The following MAGI2 variants were observed in gnomAD, a reference collection of about 807,000 sequenced individuals.
MAGI2 encodes the protein membrane associated guanylate kinase, WW and PDZ domain containing 2, also known as membrane-associated guanylate kinase, WW and PDZ domain-containing protein 2.
Under a neutral mutation model 133.3 loss-of-function variants are expected in MAGI2, and 35 were observed. That is an observed-to-expected ratio of 0.26 (90% CI 0.20 to 0.35). MAGI2 has a LOEUF of 0.35. Among genes scored for constraint, MAGI2 ranks in the 10% least tolerant of loss-of-function variants. The pLI, the probability that MAGI2 is intolerant of heterozygous loss-of-function variation, is 1.00. For missense variants in MAGI2, 1,636 were observed against 1,863.4 expected, an observed-to-expected ratio of 0.88 and a Z score of 2.25; for synonymous variants, 729 against 710.6, an observed-to-expected ratio of 1.03 and a Z score of -0.41.
intron 2 of MAGI2, among the ~76,000 whole-genome samples, chr7:78,709,461 T>A (rs73382133): frequency 0.015 from 2,343 of 152,328 alleles, 54 homozygotes; most frequent in African/African-American, 0.055. Flanking sequence ...TAGGAAGCTT[T>A]CTTAGACATC....
intron 1 of MAGI2, among the ~76,000 whole-genome samples, chr7:79,393,870 C>A (rs1301701257): frequency 6.6e-6 from 1 of 152,142 alleles, no homozygotes; most frequent in Admixed American, 6.5e-5. Flanking sequence ...GTCCAAAATA[C>A]AACTTTTAGG....
At chr7:78,288,187 T>C (rs1312216045) in intron 9 of MAGI2, among the ~76,000 whole-genome samples, 2 of 152,204 alleles carry the variant, frequency 1.3e-5, no homozygotes, top group Non-Finnish European at 2.9e-5. Context: ...TTTCATGGGA[T>C]GAATAATTTT....
intron 6 of MAGI2, among the ~76,000 whole-genome samples, chr7:78,398,285 T>A (rs1285105550): frequency 6.6e-6 from 1 of 152,058 alleles, no homozygotes. Flanking sequence ...GGTGAACTCA[T>A]GCGGCTTTTT....
At chr7:78,137,102 T>A (rs1354974988) in intron 16 of MAGI2, among the ~76,000 whole-genome samples, 1 of 152,174 alleles carries the variant, frequency 6.6e-6, no homozygotes, top group Non-Finnish European at 1.5e-5. Context: ...TTACTGACTT[T>A]AAAAAAATGA....
intron 1 of MAGI2, among the ~76,000 whole-genome samples, chr7:79,027,484 T>C (rs1810014178): frequency 6.6e-6 from 1 of 152,068 alleles, no homozygotes; most frequent in Non-Finnish European, 1.5e-5. Flanking sequence ...TTTTCGCTTG[T>C]ATGTGAAATC....
At chr7:79,302,688 CAGTT>C (rs1837480491) in intron 1 of MAGI2, among the ~76,000 whole-genome samples, 2 of 152,126 alleles carry the variant, frequency 1.3e-5, no homozygotes, top group Admixed American at 1.3e-4. Flanking sequence ...TCAACAAAAT[CAGTT>C]AGAGATTTTG....
intron 2 of MAGI2, among the ~76,000 whole-genome samples, chr7:78,863,354 C>T (rs1015881375): frequency 6.6e-6 from 1 of 152,134 alleles, no homozygotes; most frequent in Non-Finnish European, 1.5e-5. Context: ...TGGTGAAAGC[C>T]TCAGGCTGTG....
intron 2 of MAGI2, among the ~76,000 whole-genome samples, chr7:78,969,452 T>A (rs1803602206): frequency 6.6e-6 from 1 of 152,080 alleles, no homozygotes; most frequent in South Asian, 2.1e-4. Flanking sequence ...CAAGTGTGTG[T>A]TCGTGTCATT....
intron 21 of MAGI2, among the ~76,000 whole-genome samples, chr7:78,029,697 T>C (rs188043091): frequency 2.1e-5 from 3 of 144,958 alleles, no homozygotes; most frequent in Non-Finnish European, 1.5e-5. Flanking sequence ...CATTGCGTGT[T>C]GAAAACCACT....
chr7:78,930,817 A>G (rs1800054203), intron 2 of MAGI2, among the ~76,000 whole-genome samples: 1 of 152,108 alleles, frequency 6.6e-6, no homozygotes, highest in African/African-American at 2.4e-5. Context: ...AAGCCATTCC[A>G]ATTTCTGTTT....
intron 1 of MAGI2, among the ~76,000 whole-genome samples, chr7:79,362,125 T>C (rs1842413910): frequency 6.8e-6 from 1 of 147,814 alleles, no homozygotes; most frequent in African/African-American, 2.5e-5. Context: ...ATAAAACACA[T>C]AGCTTTTTTT....
At chr7:78,841,694 C>G (rs10278224) in intron 2 of MAGI2, among the ~76,000 whole-genome samples, 3,102 of 152,064 alleles carry the variant, frequency 0.02, 97 homozygotes, top group African/African-American at 0.071. Flanking sequence ...AGAATATGCT[C>G]TCATATTTTC....
chr7:79,055,509 A>G (rs144923062), intron 1 of MAGI2, among the ~76,000 whole-genome samples: 3 of 152,262 alleles, frequency 2.0e-5, no homozygotes, highest in Non-Finnish European at 4.4e-5. Flanking sequence ...TGTTAACAAT[A>G]TATGCAGGAA....
chr7:78,818,292 TA>T (rs955820576), intron 2 of MAGI2, among the ~76,000 whole-genome samples: 4 of 152,172 alleles, frequency 2.6e-5, no homozygotes, highest in African/African-American at 9.7e-5. Context: ...TGAATTCCAT[TA>T]AACGTATTCC....
chr7:78,437,236 C>T (rs373992973), intron 6 of MAGI2, among the ~76,000 whole-genome samples: 5 of 152,242 alleles, frequency 3.3e-5, no homozygotes, highest in East Asian at 3.9e-4. Context: ...GTCTCAGTTG[C>T]GTCTGTACCA....
chr7:79,453,578 GC>G lies in MAGI2; in HGVS notation c.-259del. ...CCCTTGAATGACACTCAAGGCTGTG[GC>G]CCCGCAGCAGAGGAAGCAGTGGTGG... On this transcript the variant is annotated 5_prime_UTR_variant, in exon 1 of 22. Coordinates refer to ENST00000354212, the MANE Select transcript of MAGI2 (RefSeq NM_012301.4). The G allele has an allele frequency of 8.5e-7, 1 of 1,171,814 alleles. No homozygotes were observed. The highest frequency in any genetic ancestry group is 1.1e-6 in the Non-Finnish European group (1 of 950,060). 72.6% of individuals were successfully genotyped at this position (1,171,814 alleles called of 1,614,324 possible). A position where few individuals can be genotyped will look rare whatever the true frequency, so the allele number is the denominator to read the frequency against.
intron 2 of MAGI2, among the ~76,000 whole-genome samples, chr7:78,847,878 C>A (rs1792761404): frequency 6.6e-6 from 1 of 151,916 alleles, no homozygotes; most frequent in Non-Finnish European, 1.5e-5. Context: ...GGATTTTGTG[C>A]TTTGTTCACT....
At chr7:79,104,708 A>G (rs1212033071) in intron 1 of MAGI2, among the ~76,000 whole-genome samples, 2 of 152,042 alleles carry the variant, frequency 1.3e-5, no homozygotes. Flanking sequence ...AAAATACAAA[A>G]AGAAAAGAAA....
At chr7:78,352,147 C>T (rs1791584497) in intron 7 of MAGI2, among the ~76,000 whole-genome samples, 1 of 152,120 alleles carries the variant, frequency 6.6e-6, no homozygotes, top group Non-Finnish European at 1.5e-5. Flanking sequence ...TCATTCATCG[C>T]ATATTTATTT....
Sources: allele counts gnomAD v4.1 joint callset (sites outside exome capture counted in the v4.1 genomes callset), GRCh38; gene constraint gnomAD v4.1.1; transcripts MANE v1.5; gene names NCBI Gene and HGNC (gene_info 2026-07-23, HGNC 2026-07-21).